The following MANBA variants were observed in gnomAD, a reference collection of about 807,000 sequenced individuals.
MANBA encodes mannosidase beta, also known as beta-mannosidase.
A neutral mutation model predicts 111.1 loss-of-function variants in MANBA; 83 were observed. The observed-to-expected ratio is 0.75, with a 90% CI of 0.63 to 0.90. The LOEUF is 0.90. Ranked by LOEUF, MANBA falls within the 40% of genes least tolerant of loss-of-function variation. The probability of loss-of-function intolerance (pLI) is 0.00; values close to 1 mark genes in which losing one functional copy is unlikely to be tolerated. For synonymous variants in MANBA, 370 were observed against 378.7 expected (o/e 0.98, Z 0.27); for missense variants, 1,036 against 1,069.0 (o/e 0.97, Z 0.43).
At chr4:102,648,460 AG>A (rs1317911146) in intron 13 of MANBA, among the ~76,000 whole-genome samples, 2 of 152,258 alleles carry the variant, frequency 1.3e-5, no homozygotes, top group East Asian at 3.9e-4. Context: ...ACTTTATGCT[AG>A]GTGAAAGAAG....
Position 102,760,865 on chromosome 4 carries a change from C to T in MANBA, c.30G>A (p.Ala10=), listed in dbSNP as rs777984508. MRLHLLLLL[A]LCGAGTTAAE... is the part of the protein sequence containing the mutation. ...CGGCGGTGGTGCCTGCACCGCACAGCGCGAGCAGCAGGAGCAGGTGGAGGC... is the reference window on the plus strand; with the variant it reads ...CGGCGGTGGTGCCTGCACCGCACAGTGCGAGCAGCAGGAGCAGGTGGAGGC... Residue 10 remains alanine, a synonymous_variant, in exon 1 of 17, where the codon GCG becomes GCA. Coordinates refer to ENST00000647097, the MANE Select transcript of MANBA (RefSeq NM_005908.4). The T allele has an allele frequency of 5.1e-6, 8 of 1,571,658 alleles. No homozygotes were observed. Among genetic ancestry groups the T allele is most frequent in the Non-Finnish European group, 6.9e-6 (8 of 1,160,366 alleles).
At chr4:102,752,644 G>T in intron 1 of MANBA, 1 of 572,652 alleles carries the variant, frequency 1.7e-6, no homozygotes, top group Non-Finnish European at 3.5e-6. Flanking sequence ...GGGCATGAAA[G>T]TGAATGATAA....
At chr4:102,715,279 G>T (rs78577655) in intron 4 of MANBA, among the ~76,000 whole-genome samples, 5,981 of 152,068 alleles carry the variant, frequency 0.039, 417 homozygotes, top group African/African-American at 0.14. Context: ...GGCAATCTGA[G>T]GTCTGCCAAT....
At chr4:102,707,635 G>A (rs916413194) in intron 5 of MANBA, among the ~76,000 whole-genome samples, 9 of 152,268 alleles carry the variant, frequency 5.9e-5, no homozygotes, top group African/African-American at 2.2e-4. Flanking sequence ...TTAATAAAAT[G>A]ACAGGAATAA....
chr4:102,734,721 G>A, intron 1 of MANBA: 1 of 756,570 alleles, frequency 1.3e-6, no homozygotes, highest in Non-Finnish European at 2.2e-6. Flanking sequence ...CAGGGTCTGA[G>A]GAGGCTGTGA....
At position 102,751,952 on chromosome 4, in the gene MANBA, G is replaced by GC. The variant is rs1333078060; in HGVS notation, c.177+8765dup. 7.2e-6 allele frequency: 5 copies of GC among 692,110 alleles called. No individual in the cohort carries two copies. In the African/African-American group the frequency reaches 8.8e-5, roughly 12 times the overall value. 42.9% of individuals were successfully genotyped at this position (692,110 alleles called of 1,614,324 possible). A position where few individuals can be genotyped will look rare whatever the true frequency, so the allele number is the denominator to read the frequency against. The stretch of plus-strand genomic sequence containing the variant: ...AACAAAGTGAAAGCCCGACCGTGCT[G>GC]CAGAGGTCATGCTGGAAGTGCAGAG... On this transcript the variant is annotated intron_variant, in intron 1 of 16. Transcript: ENST00000647097.
chr4:102,639,092 G>A (rs1053736742), intron 14 of MANBA, among the ~76,000 whole-genome samples: 1 of 152,004 alleles, frequency 6.6e-6, no homozygotes, highest in African/African-American at 2.4e-5. Context: ...GGGATAATTC[G>A]AACTGCAGGT....
chr4:102,733,691 G>A (rs1414047374), intron 1 of MANBA, among the ~76,000 whole-genome samples: 2 of 152,170 alleles, frequency 1.3e-5, no homozygotes, highest in South Asian at 2.1e-4. Flanking sequence ...TTCTAGAAAA[G>A]TAACCTGAAG....
intron 7 of MANBA, among the ~76,000 whole-genome samples, chr4:102,677,823 GT>G: frequency 6.6e-6 from 1 of 151,758 alleles, no homozygotes; most frequent in Non-Finnish European, 1.5e-5. Context: ...ATTTCCACTG[GT>G]TTTTTTGGTC....
chr4:102,672,171 G>C (rs908453603), intron 8 of MANBA: 3 of 398,284 alleles, frequency 7.5e-6, no homozygotes, highest in Non-Finnish European at 1.3e-5. Flanking sequence ...ACATTTTAAA[G>C]TAAAAGGAAA....
intron 13 of MANBA, among the ~76,000 whole-genome samples, chr4:102,646,327 T>A (rs1325597421): frequency 6.6e-6 from 1 of 152,128 alleles, no homozygotes; most frequent in Non-Finnish European, 1.5e-5. Flanking sequence ...GGATCTTCCA[T>A]CGTGTCTCAG....
intron 9 of MANBA, 61 bp from the exon 10 acceptor site, chr4:102,669,110 T>G: frequency 7.9e-7 from 1 of 1,259,672 alleles, no homozygotes; most frequent in Non-Finnish European, 1.1e-6. Context: ...CAGAAGAAAG[T>G]CTTTATTCTG....
rs571154528 is a variant in MANBA, at chr4:102,706,489, TAGA to T, written c.673+7946_673+7948del. On this transcript the variant is annotated intron_variant, in intron 5 of 16. Transcript: ENST00000647097. ...CCTATAAAAGAGAATTCAAAAAAAT[TAGA>T]AGAAGTGGTTGTTATACCAGATGCG... Among the ~76,000 whole-genome samples, 3 of 152,154 alleles carry T rather than the reference TAGA, an allele frequency of 2.0e-5. No homozygotes were observed. The South Asian group carries it at 6.2e-4, about 32-fold the overall frequency.
intron 5 of MANBA, among the ~76,000 whole-genome samples, chr4:102,696,883 T>C (rs1162942495): frequency 5.9e-5 from 9 of 152,188 alleles, no homozygotes; most frequent in Admixed American, 2.0e-4. Context: ...AAACATTAGA[T>C]ATTTTCCGGT....
At chr4:102,745,851 T>A (rs1205036024) in intron 1 of MANBA, among the ~76,000 whole-genome samples, 1 of 152,166 alleles carries the variant, frequency 6.6e-6, no homozygotes, top group African/African-American at 2.4e-5. Context: ...ATTAGAAAAC[T>A]CAAGCAGTTC....
intron 1 of MANBA, among the ~76,000 whole-genome samples, chr4:102,747,351 C>T (rs1407551673): frequency 6.6e-6 from 1 of 152,066 alleles, no homozygotes; most frequent in Non-Finnish European, 1.5e-5. Context: ...GAGGATAAGC[C>T]ACTATAGTCT....
At chr4:102,695,926 A>G (rs898918602) in intron 5 of MANBA, among the ~76,000 whole-genome samples, 55 of 152,054 alleles carry the variant, frequency 3.6e-4, no homozygotes, top group African/African-American at 1.3e-3. Context: ...GGGTCTCTGT[A>G]AAAAAAGAAT....
chr4:102,659,577 C>G (rs1402480171), intron 11 of MANBA, among the ~76,000 whole-genome samples: 1 of 152,060 alleles, frequency 6.6e-6, no homozygotes, highest in Admixed American at 6.6e-5. Flanking sequence ...GCCCTTTTCC[C>G]TTAGCTTCCT....
intron 5 of MANBA, among the ~76,000 whole-genome samples, chr4:102,701,530 CAGG>C (rs1434582985): frequency 6.6e-6 from 1 of 152,072 alleles, no homozygotes; most frequent in Non-Finnish European, 1.5e-5. Context: ...GTGCTTCCTT[CAGG>C]AGCTCTTTTA....
Sources: allele counts gnomAD v4.1 joint callset (sites outside exome capture counted in the v4.1 genomes callset), GRCh38; gene constraint gnomAD v4.1.1; transcripts MANE v1.5; gene names NCBI Gene and HGNC (gene_info 2026-07-23, HGNC 2026-07-21).